Variants in CRTC3 observed in about 807,000 individuals in gnomAD.
CRTC3 encodes CREB-regulated transcription coactivator 3.
In CRTC3, 26 loss-of-function variants were observed where a neutral mutation model predicts 74.5. The observed-to-expected ratio is 0.35, with a 90% CI of 0.26 to 0.48. CRTC3 has a LOEUF of 0.48. CRTC3 is among the 20% of genes least tolerant of loss of function. The probability of loss-of-function intolerance (pLI) is 0.99; values close to 1 mark genes in which losing one functional copy is unlikely to be tolerated. For missense variants in CRTC3, 760 were observed against 787.3 expected, an observed-to-expected ratio of 0.97 and a Z score of 0.41; for synonymous variants, 377 against 325.8, an observed-to-expected ratio of 1.16 and a Z score of -1.69.
intron 2 of CRTC3, among the ~76,000 whole-genome samples, 156 bp from the exon 3 acceptor site, chr15:90,593,480 A>G (rs1746380215): frequency 6.6e-6 from 1 of 152,354 alleles, no homozygotes; most frequent in South Asian, 2.1e-4. Flanking sequence ...AAATAGTTCC[A>G]TATACTACTT....
At chr15:90,553,380 T>C (rs1021618397) in intron 2 of CRTC3, among the ~76,000 whole-genome samples, 19 of 152,202 alleles carry the variant, frequency 1.2e-4, no homozygotes, top group Non-Finnish European at 2.2e-4. Context: ...CTTAATAGTT[T>C]TGGAATGTGC....
intron 2 of CRTC3, among the ~76,000 whole-genome samples, chr15:90,551,963 CACACAA>C (rs1434915176): frequency 6.5e-5 from 2 of 30,980 alleles, no homozygotes; most frequent in Non-Finnish European, 1.4e-4. Flanking sequence ...CACACACACA[CACACAA>C]ATGTCTTCTA....
intron 9 of CRTC3, among the ~76,000 whole-genome samples, chr15:90,624,175 C>T (rs56961537): frequency 0.18 from 27,831 of 151,954 alleles, 2,559 homozygotes; most frequent in African/African-American, 0.2. Flanking sequence ...ATGAAGTGTC[C>T]TCAGGATTCG....
At chr15:90,626,686 G>A (rs545681693) in intron 10 of CRTC3, among the ~76,000 whole-genome samples, 6 of 149,116 alleles carry the variant, frequency 4.0e-5, no homozygotes, top group East Asian at 3.9e-4. Context: ...ATCTCAGCTC[G>A]CTGCAACCTC....
At chr15:90,627,160 A>G (rs781687499) in intron 10 of CRTC3, among the ~76,000 whole-genome samples, 25 of 152,224 alleles carry the variant, frequency 1.6e-4, no homozygotes, top group African/African-American at 4.8e-4. Context: ...AAGTTTTTCT[A>G]ATGATTGCAG....
chr15:90,533,228 C>A (rs545029941), intron 1 of CRTC3, among the ~76,000 whole-genome samples: 72 of 149,484 alleles, frequency 4.8e-4, no homozygotes, highest in Non-Finnish European at 8.4e-4. Context: ...ACAGTGAAAC[C>A]CTGTCTTTAC....
chr15:90,629,460 C>T lies in CRTC3; in HGVS notation c.1194C>T (p.Gly398=), dbSNP rs374980106. Residue 398 remains glycine (G), a synonymous_variant, in exon 11 of 15, where the codon GGC becomes GGT. Coordinates refer to ENST00000268184, the MANE Select transcript of CRTC3 (RefSeq NM_022769.5). ...PPVSPLTLSP[G]PEAHQGFSRQ... ...TCAGCCCTCTCACGCTTTCTCCTGG[C>T]CCTGAAGCACATCAAGGTTTCAGCA... 6.2e-7 allele frequency: 1 copy of T among 1,614,142 alleles called. No individual in the cohort carries two copies. The highest frequency in any genetic ancestry group is 8.5e-7 in the Non-Finnish European group (1 of 1,180,028).
chr15:90,605,467 T>A (rs1968192495), intron 5 of CRTC3, among the ~76,000 whole-genome samples: 1 of 152,164 alleles, frequency 6.6e-6, no homozygotes, highest in African/African-American at 2.4e-5. Flanking sequence ...GAACCTTTTT[T>A]AAAAAACATA....
chr15:90,634,956 G>C (rs565823347), intron 11 of CRTC3: 21 of 1,547,438 alleles, frequency 1.4e-5, no homozygotes, highest in Non-Finnish European at 1.9e-5. Flanking sequence ...AGAATATGGA[G>C]GCACCAAAGT....
chr15:90,608,883 C>T (rs1010821559), intron 6 of CRTC3, among the ~76,000 whole-genome samples: 1 of 152,216 alleles, frequency 6.6e-6, no homozygotes, highest in Admixed American at 6.5e-5. Context: ...GGTTTATAAT[C>T]TAGAAAGAAC....
rs1001794870 is a variant in CRTC3, at chr15:90,643,054, CTG to C, written c.*918_*919del. 1 of 232,212 alleles carries C rather than the reference CTG, an allele frequency of 4.3e-6. No homozygotes were observed. Among genetic ancestry groups the C allele is most frequent in the Admixed American group, 5.6e-5 (1 of 17,756 alleles). The allele number at this position is 232,212 out of a possible 1,614,324, so 14.4% of individuals were successfully genotyped here. A position where few individuals can be genotyped will look rare whatever the true frequency, so the allele number is the denominator to read the frequency against. On this transcript the variant is annotated 3_prime_UTR_variant, in exon 15 of 15. Coordinates refer to ENST00000268184, the MANE Select transcript of CRTC3 (RefSeq NM_022769.5). ...TGAGCTTCCCCATCCCTCCCCAGAGCTGTGTCTCTGTGGGCTGGGAGTCTAAT... is the reference window on the plus strand; with the variant it reads ...TGAGCTTCCCCATCCCTCCCCAGAGCTGTCTCTGTGGGCTGGGAGTCTAAT...
In CRTC3 at chr15:90,530,964, C is replaced by G. The variant is rs1966617821; in HGVS notation, c.132+761C>G. Among the ~76,000 whole-genome samples, 1 of 151,902 alleles carries G rather than the reference C, an allele frequency of 6.6e-6. No homozygotes were observed. The highest frequency in any genetic ancestry group is 1.5e-5 in the Non-Finnish European group (1 of 67,990). On this transcript the variant is annotated intron_variant, in intron 1 of 14. Coordinates refer to ENST00000268184, the MANE Select transcript of CRTC3 (RefSeq NM_022769.5). This position sits in a 1 kb window ranked among gnomAD's most constrained non-coding sequence, Gnocchi z 6.2. ...TGGAGAGCCAACCGGAGTGTCCGCG[C>G]AGGGTTGCAGAGAAGGGGGGTCAGC...
rs370378524 is a variant in CRTC3 at position 90,603,661 on chromosome 15, C to A, written c.414-724C>A. Among the ~76,000 whole-genome samples the A allele has an allele frequency of 1.7e-4, 26 of 152,266 alleles. 2 individuals are homozygous for A. In the East Asian group the frequency reaches 2.7e-3, roughly 16 times the overall value. On this transcript the variant is annotated intron_variant, in intron 4 of 14. Coordinates refer to ENST00000268184, the MANE Select transcript of CRTC3 (RefSeq NM_022769.5). ...TGTGCCTAGTATCATTTTCAGATCACCAAGTCAGATTTAGGACACATTTAA... is the reference window on the plus strand; with the variant it reads ...TGTGCCTAGTATCATTTTCAGATCAACAAGTCAGATTTAGGACACATTTAA...
At chr15:90,551,518 C>T (rs544356137) in intron 2 of CRTC3, among the ~76,000 whole-genome samples, 4 of 152,170 alleles carry the variant, frequency 2.6e-5, no homozygotes, top group Middle Eastern at 6.8e-3. Context: ...TGGTGGCCAC[C>T]GAACTGGACA....
At chr15:90,633,225 GCCTGGTTATCTATAT>G (rs138717765) in intron 11 of CRTC3, among the ~76,000 whole-genome samples, 2,804 of 151,884 alleles carry the variant, frequency 0.018, 100 homozygotes, top group African/African-American at 0.063. Flanking sequence ...TTTTTTATTA[GCCTGGTTATCTATAT>G]GTATCTATGT....
chr15:90,546,954 T>C (rs1231212395), intron 2 of CRTC3, among the ~76,000 whole-genome samples: 1 of 152,238 alleles, frequency 6.6e-6, no homozygotes, highest in African/African-American at 2.4e-5. Context: ...CAGGATTGCA[T>C]TGAATCTATA....
rs977082456 is a variant in CRTC3, at chr15:90,560,981, A to G, written c.231+20844A>G. ...GCCATCCAATATGTCAAAATAAACA[A>G]AATTTTCATGTTGATGGTCACAAGT... On this transcript the variant is annotated intron_variant, in intron 2 of 14. Coordinates refer to ENST00000268184, the MANE Select transcript of CRTC3 (RefSeq NM_022769.5). 2.0e-5 allele frequency among the ~76,000 whole-genome samples: 3 copies of G among 152,180 alleles called. No individual in the cohort carries two copies. The South Asian group carries it at 6.2e-4, about 32-fold the overall frequency.
intron 1 of CRTC3, among the ~76,000 whole-genome samples, chr15:90,536,289 A>C (rs1257473933): frequency 6.6e-6 from 1 of 151,978 alleles, no homozygotes; most frequent in Non-Finnish European, 1.5e-5. Context: ...TAATCCCAGC[A>C]CTTTGGGAGG....
At chr15:90,585,486 A>G in intron 2 of CRTC3, among the ~76,000 whole-genome samples, 1 of 152,036 alleles carries the variant, frequency 6.6e-6, no homozygotes, top group East Asian at 1.9e-4. Context: ...TTCTGTATAT[A>G]TCAGTACAAA....
Sources: allele counts gnomAD v4.1 joint callset (sites outside exome capture counted in the v4.1 genomes callset), GRCh38; gene constraint gnomAD v4.1.1; non-coding constraint Gnocchi (gnomAD v3.1); transcripts MANE v1.5; gene names NCBI Gene and HGNC (gene_info 2026-07-23, HGNC 2026-07-21).